Variants in RCBTB1 observed in about 807,000 individuals in gnomAD.
RCBTB1 encodes the protein RCC1 and BTB domain-containing protein 1.
RCBTB1 carries 46 observed loss-of-function variants against 62.4 expected under a neutral mutation model. The observed-to-expected ratio is 0.74, with a 90% CI of 0.58 to 0.94. The LOEUF (loss-of-function observed/expected upper bound fraction) is 0.94. RCBTB1 is among the 40% of genes least tolerant of loss of function. The pLI, the probability that RCBTB1 is intolerant of heterozygous loss-of-function variation, is 0.00. For missense variants in RCBTB1, 565 were observed against 654.9 expected (o/e 0.86, Z 1.50); for synonymous variants, 222 against 245.8 (o/e 0.90, Z 0.91).
chr13:49,575,653 C>T, intron 2 of RCBTB1, among the ~76,000 whole-genome samples: 1 of 151,962 alleles, frequency 6.6e-6, no homozygotes, highest in East Asian at 1.9e-4. Context: ...AAACCAAATA[C>T]CACATGTTGT....
intron 12 of RCBTB1, among the ~76,000 whole-genome samples, chr13:49,535,087 C>T (rs553156548): frequency 6.6e-6 from 1 of 152,194 alleles, no homozygotes; most frequent in Non-Finnish European, 1.5e-5. Flanking sequence ...CTAATAATGA[C>T]TTTATTTTTA....
chr13:49,570,729 G>A (rs532501067), intron 2 of RCBTB1, among the ~76,000 whole-genome samples: 1 of 152,188 alleles, frequency 6.6e-6, no homozygotes, highest in Admixed American at 6.5e-5. Flanking sequence ...AAGAAGAAAC[G>A]AATAACTATC....
chr13:49,547,019 T>G (rs892565348), intron 9 of RCBTB1: 9 of 1,199,962 alleles, frequency 7.5e-6, no homozygotes, highest in Non-Finnish European at 9.5e-6. Flanking sequence ...ATATAAGAAC[T>G]GGGGGAAGCC....
chr13:49,547,184 A>AAG, intron 9 of RCBTB1: 1 of 1,262,234 alleles, frequency 7.9e-7, no homozygotes, highest in Non-Finnish European at 1.0e-6. Context: ...GCAAAAAAAA[A>AAG]AAAATACTGT....
intron 1 of RCBTB1, among the ~76,000 whole-genome samples, chr13:49,582,367 A>T (rs1964153766): frequency 1.3e-5 from 2 of 152,182 alleles, no homozygotes; most frequent in Admixed American, 6.5e-5. Flanking sequence ...GGTGCCTGTA[A>T]TCGCAGCTAC....
At chr13:49,584,768 C>A (rs1007466216) in intron 1 of RCBTB1, among the ~76,000 whole-genome samples, 1 of 152,170 alleles carries the variant, frequency 6.6e-6, no homozygotes, top group African/African-American at 2.4e-5. Context: ...CAGAGTTCCG[C>A]AGATGGCTTG....
At chr13:49,555,439 A>G (rs1961763891) in intron 6 of RCBTB1, 76 bp downstream of exon 6, 3 of 1,203,058 alleles carry the variant, frequency 2.5e-6, no homozygotes, top group Admixed American at 3.5e-5. Context: ...TCCATCTGAT[A>G]CATTCACCTT....
At chr13:49,547,667 C>T (rs1347773822) in intron 9 of RCBTB1, among the ~76,000 whole-genome samples, 1 of 152,126 alleles carries the variant, frequency 6.6e-6, no homozygotes, top group East Asian at 1.9e-4. Flanking sequence ...CCCCAAATTC[C>T]ACTACCCTTT....
intron 2 of RCBTB1, among the ~76,000 whole-genome samples, chr13:49,575,799 A>C (rs1311980106): frequency 6.6e-6 from 1 of 152,140 alleles, no homozygotes; most frequent in Non-Finnish European, 1.5e-5. Context: ...TATGCTCACT[A>C]CCTGGGTGAC....
chr13:49,558,462 C>T (rs549247102), intron 5 of RCBTB1, among the ~76,000 whole-genome samples: 6 of 152,042 alleles, frequency 3.9e-5, no homozygotes, highest in South Asian at 2.1e-4. Context: ...GAGGCCGAGG[C>T]GGGAGGATCA....
chr13:49,544,882 T>C lies in RCBTB1; in HGVS notation c.1046-19A>G, dbSNP rs1180931244. ...TCATGCTCTGAAGGCAACAAACATA[T>C]ATTAATATGGCAAGTTCAAGGAACA... is the stretch of plus-strand genomic sequence containing the variant. On this transcript the variant is annotated intron_variant, in intron 9 of 12. Transcript: ENST00000378302. 3 of 1,599,016 alleles carry C rather than the reference T, an allele frequency of 1.9e-6. No homozygotes were observed. Among genetic ancestry groups the C allele is most frequent in the South Asian group, 2.2e-5 (2 of 89,948 alleles).
chr13:49,534,772 G>C (rs1354490390), intron 12 of RCBTB1, among the ~76,000 whole-genome samples: 1 of 152,208 alleles, frequency 6.6e-6, no homozygotes, highest in African/African-American at 2.4e-5. Flanking sequence ...GGTGGCTCAC[G>C]CCTGTAATCC....
chr13:49,580,163 AG>A (rs58681162), intron 2 of RCBTB1, among the ~76,000 whole-genome samples: 112 of 152,380 alleles, frequency 7.4e-4, no homozygotes, highest in African/African-American at 2.6e-3. Flanking sequence ...TGTTTTCAAA[AG>A]GAAACCAGAA....
In RCBTB1 at chr13:49,559,938, C is replaced by A. The variant is rs747895163; in HGVS notation, c.424G>T (p.Ala142Ser). The A allele has an allele frequency of 6.2e-7, 1 of 1,613,828 alleles. No individual in the cohort carries two copies. Reference sequence around the variant, plus strand: ...CTTACCTCTCCATCAGCTGCCAGAGCCATTGAATGATGTGAGCCACAAGCT... The same window carrying A: ...CTTACCTCTCCATCAGCTGCCAGAGACATTGAATGATGTGAGCCACAAGCT... ...EVACGSHHSM[A>S]LAADGEVFAW... Residue 142 changes from alanine to serine, a missense_variant, in exon 5 of 13, where the codon GCT becomes TCT. Coordinates refer to ENST00000378302, the MANE Select transcript of RCBTB1 (RefSeq NM_018191.4).
In RCBTB1 at chr13:49,549,655, AGTTTT is replaced by A; in HGVS notation, c.855-12_855-8del. Reference sequence around the variant, plus strand: ...GGCTGCAATCTCTACCACCCTGAAAAGTTTTAAGAAAAATGCATGTTACTTCATGA... The same window carrying A: ...GGCTGCAATCTCTACCACCCTGAAAAAAGAAAAATGCATGTTACTTCATGA... On this transcript the variant is annotated splice_polypyrimidine_tract_variant and splice_region_variant and intron_variant, in intron 8 of 12. Coordinates refer to ENST00000378302, the MANE Select transcript of RCBTB1 (RefSeq NM_018191.4). 6.3e-7 allele frequency: 1 copy of A among 1,595,622 alleles called. No homozygotes were observed. The highest frequency in any genetic ancestry group is 1.7e-5 in the Admixed American group (1 of 58,058).
At chr13:49,550,510 T>A in intron 8 of RCBTB1, 3 of 618,610 alleles carry the variant, frequency 4.8e-6, no homozygotes, top group Non-Finnish European at 6.1e-6. Flanking sequence ...CTGAACAACA[T>A]CAAGCATCTA....
In RCBTB1 at chr13:49,549,499, C is replaced by G. The variant is rs199782704; in HGVS notation, c.1004G>C (p.Cys335Ser). The change falls in exon 9 of 13, where the codon TGC (cysteine) becomes TCC (serine). Residue 335 changes from cysteine to serine, a missense_variant. Cys to Ser is a moderately radical substitution (Grantham distance 112, BLOSUM62 -1). Coordinates refer to ENST00000378302, the MANE Select transcript of RCBTB1 (RefSeq NM_018191.4). The part of the protein sequence containing the change: ...HFSCTDDVFA[C>S]FATPAVSWRL... ...CCACGAGACGGCGGGAGTGGCAAAGCAGGCAAACACGTCGTCGGTGCAGGA... is the reference window on the plus strand; with the variant it reads ...CCACGAGACGGCGGGAGTGGCAAAGGAGGCAAACACGTCGTCGGTGCAGGA... 1.6e-5 allele frequency: 26 copies of G among 1,613,372 alleles called. No individual in the cohort carries two copies. The East Asian group carries it at 5.8e-4, about 36-fold the overall frequency.
intron 4 of RCBTB1, among the ~76,000 whole-genome samples, chr13:49,563,280 A>T (rs1031897343): frequency 1.5e-5 from 2 of 132,882 alleles, no homozygotes; most frequent in African/African-American, 5.7e-5. Context: ...TGAGCCCAGG[A>T]GGTCAAGGTT....
intron 2 of RCBTB1, among the ~76,000 whole-genome samples, 179 bp from the exon 3 acceptor site, chr13:49,567,499 C>T (rs1963105972): frequency 2.0e-5 from 3 of 152,202 alleles, no homozygotes; most frequent in Admixed American, 2.0e-4. Flanking sequence ...CACCTTCAAA[C>T]CCCGGACTTT....
Sources: gnomAD v4.1 joint callset for allele counts (sites outside exome capture counted in the v4.1 genomes callset) on GRCh38, gnomAD v4.1.1 for gene constraint, MANE v1.5 for transcripts, NCBI Gene and HGNC (gene_info 2026-07-23, HGNC 2026-07-21) for gene names.